Variants in UTRN observed in about 807,000 individuals in gnomAD.
UTRN encodes the protein utrophin, also known as dystrophin-related protein 1.
UTRN carries 283 observed loss-of-function variants against 463.9 expected under a neutral mutation model. The ratio of observed to expected loss-of-function variants is 0.61; its 90% CI spans 0.55 to 0.67. The LOEUF (loss-of-function observed/expected upper bound fraction) is 0.67. Ranked by LOEUF, UTRN falls within the 30% of genes least tolerant of loss-of-function variation. The pLI is 0.00. For synonymous variants in UTRN, 1,442 were observed against 1,431.5 expected, an observed-to-expected ratio of 1.01 and a Z score of -0.17; for missense variants, 3,922 against 4,084.3, an observed-to-expected ratio of 0.96 and a Z score of 1.08.
At position 144,391,852 on chromosome 6, in the gene UTRN, T is replaced by G. The variant is rs147019900; in HGVS notation, c.80-11271T>G. ...AATACAGGGTTTCACCTGTTAGCCA[T>G]GATGGTCTCGATCTCCTGACCTCGT... On this transcript the variant is annotated intron_variant, in intron 2 of 74. Transcript: ENST00000367545. 4.5e-4 allele frequency among the ~76,000 whole-genome samples: 69 copies of G among 152,296 alleles called. 1 individual carries two copies. The East Asian group carries it at 7.4e-3, about 16-fold the overall frequency.
intron 51 of UTRN, among the ~76,000 whole-genome samples, chr6:144,624,301 T>G (rs927436809): frequency 6.6e-6 from 1 of 152,148 alleles, no homozygotes; most frequent in Non-Finnish European, 1.5e-5. Context: ...AGGGAGGGCA[T>G]TACTGTGCTT....
intron 3 of UTRN, among the ~76,000 whole-genome samples, chr6:144,416,277 T>C (rs1324023864): frequency 6.6e-6 from 1 of 152,118 alleles, no homozygotes; most frequent in Non-Finnish European, 1.5e-5. Context: ...TACCAGGAGG[T>C]TATACATATA....
At chr6:144,841,620 T>C (rs1368708861) in intron 73 of UTRN, among the ~76,000 whole-genome samples, 6 of 152,076 alleles carry the variant, frequency 3.9e-5, no homozygotes, top group African/African-American at 1.4e-4. Flanking sequence ...CACACACACA[T>C]ACAAATATAT....
intron 54 of UTRN, among the ~76,000 whole-genome samples, chr6:144,731,160 C>G (rs1269787918): frequency 3.3e-5 from 5 of 151,006 alleles, no homozygotes; most frequent in African/African-American, 1.2e-4. Flanking sequence ...AATGAGAGAC[C>G]AAATACTTTT....
chr6:144,697,084 G>A (rs1586074573), intron 52 of UTRN, among the ~76,000 whole-genome samples: 1 of 152,024 alleles, frequency 6.6e-6, no homozygotes, highest in African/African-American at 2.4e-5. Context: ...TACTTATAGA[G>A]TTGTAAAAAA....
rs1803641950 is a variant in UTRN at position 144,286,205 on chromosome 6, T to C, written c.-93+384T>C. 6.6e-6 allele frequency among the ~76,000 whole-genome samples: 1 copy of C among 152,182 alleles called. No individual in the cohort carries two copies. The highest frequency in any genetic ancestry group is 1.9e-4 in the East Asian group (1 of 5,170). ...CCGTGCATCGCGCGGTGCAGGGCGCTGGGCCAGTGATTTGCAAGAGGGGAC... is the reference window on the plus strand; with the variant it reads ...CCGTGCATCGCGCGGTGCAGGGCGCCGGGCCAGTGATTTGCAAGAGGGGAC... On this transcript the variant is annotated intron_variant, in intron 1 of 74. Coordinates refer to ENST00000367545, the MANE Select transcript of UTRN (RefSeq NM_007124.3). This position sits in a 1 kb window ranked among gnomAD's most constrained non-coding sequence, Gnocchi z 4.4.
chr6:144,598,848 A>G (rs1005591866), intron 51 of UTRN, among the ~76,000 whole-genome samples: 1 of 152,150 alleles, frequency 6.6e-6, no homozygotes, highest in Non-Finnish European at 1.5e-5. Flanking sequence ...TTTCAGGTTT[A>G]CTTTAGAATG....
intron 51 of UTRN, among the ~76,000 whole-genome samples, chr6:144,611,498 T>A (rs1368912554): frequency 6.6e-6 from 1 of 152,192 alleles, no homozygotes; most frequent in Non-Finnish European, 1.5e-5. Context: ...CTTCTAGGAC[T>A]GATTAATAAA....
Position 144,430,641 on chromosome 6 carries a change from G to C in UTRN, c.855+900G>C, listed in dbSNP as rs139512242. On this transcript the variant is annotated intron_variant, in intron 9 of 74. Transcript: ENST00000367545. ...TGGTTAAAACCACCAACTTCATAAAGATAATGAATTCAAAGTATCTAAAAT... is the reference window on the plus strand; with the variant it reads ...TGGTTAAAACCACCAACTTCATAAACATAATGAATTCAAAGTATCTAAAAT... Among the ~76,000 whole-genome samples, 379 of 152,242 alleles carry C rather than the reference G, an allele frequency of 2.5e-3. 2 individuals carry two copies. The highest frequency in any genetic ancestry group is 8.5e-3 in the African/African-American group (352 of 41,558).
intron 34 of UTRN, among the ~76,000 whole-genome samples, chr6:144,510,437 A>G (rs1429374979): frequency 1.3e-5 from 2 of 152,182 alleles, no homozygotes; most frequent in East Asian, 1.9e-4. Flanking sequence ...TTTATTCAGT[A>G]TATTATATGT....
chr6:144,666,825 G>T (rs1057315908), intron 51 of UTRN, among the ~76,000 whole-genome samples: 4 of 152,146 alleles, frequency 2.6e-5, no homozygotes, highest in Non-Finnish European at 5.9e-5. Flanking sequence ...TATCATCCTT[G>T]GTTGGGCCAG....
chr6:144,751,671 C>A, intron 55 of UTRN, 135 bp from the exon 56 acceptor site: 1 of 760,340 alleles, frequency 1.3e-6, no homozygotes, highest in Non-Finnish European at 1.9e-6. Flanking sequence ...CATAAATGGA[C>A]CCAGGAAGTT....
rs1449688452 is a variant in UTRN, at chr6:144,791,248, G to A, written c.8920+1969G>A. ...GCAGGGCCGCCATTCAAGATCATTG[G>A]TATCTGTCTGAACATTGATTTTATT... is the stretch of plus-strand genomic sequence containing the variant. On this transcript the variant is annotated intron_variant, in intron 62 of 74. Coordinates refer to ENST00000367545, the MANE Select transcript of UTRN (RefSeq NM_007124.3). Among the ~76,000 whole-genome samples, 6 of 152,128 alleles carry A rather than the reference G, an allele frequency of 3.9e-5. No homozygotes were observed. In the East Asian group the frequency reaches 9.7e-4, roughly 25 times the overall value.
rs756772019 is a variant in UTRN at position 144,485,480 on chromosome 6, C to T, written c.3783C>T (p.Val1261=). The T allele has an allele frequency of 6.2e-7, 1 of 1,614,126 alleles. No homozygotes were observed. The highest frequency in any genetic ancestry group is 1.7e-5 in the Admixed American group (1 of 60,024). Residue 1261 remains valine (V), a synonymous_variant, in exon 28 of 75, where the codon GTC becomes GTT. Transcript: ENST00000367545. ...TLEERMKSTE[V]LPEKTDAVNE... ...AAGAGCGGATGAAGAGCACAGAGGTCCTGCCTGAGAAGACGGATGCTGTCA... is the reference window on the plus strand; with the variant it reads ...AAGAGCGGATGAAGAGCACAGAGGTTCTGCCTGAGAAGACGGATGCTGTCA...
rs1787852892 is a variant in UTRN at position 144,447,890 on chromosome 6, C to T, written c.1902+109C>T. On this transcript the variant is annotated intron_variant, in intron 16 of 74. Coordinates refer to ENST00000367545, the MANE Select transcript of UTRN (RefSeq NM_007124.3). ...AATAAACTAAAAAGTTGTTTCCTTA[C>T]ACCTGATGAAAAATTGACATGTGAA... 5.5e-6 allele frequency: 6 copies of T among 1,097,040 alleles called. No homozygotes were observed. In the Admixed American group the frequency reaches 1.2e-4, roughly 22 times the overall value. The allele number at this position is 1,097,040 out of a possible 1,614,324, so 68.0% of individuals were successfully genotyped here. A position where few individuals can be genotyped will look rare whatever the true frequency, so the allele number is the denominator to read the frequency against.
chr6:144,330,710 C>A, intron 2 of UTRN: 2 of 582,300 alleles, frequency 3.4e-6, no homozygotes, highest in Non-Finnish European at 4.3e-6. Flanking sequence ...AGGCTCCACA[C>A]CTGGCAGAGG....
At chr6:144,618,769 T>C (rs1047178482) in intron 51 of UTRN, among the ~76,000 whole-genome samples, 4 of 152,118 alleles carry the variant, frequency 2.6e-5, no homozygotes, top group Non-Finnish European at 5.9e-5. Flanking sequence ...ATACTCTATA[T>C]TATATGCTAT....
chr6:144,307,026 C>T (rs1270193538), intron 2 of UTRN, among the ~76,000 whole-genome samples: 1 of 151,172 alleles, frequency 6.6e-6, no homozygotes, highest in African/African-American at 2.4e-5. Flanking sequence ...TATCACATCA[C>T]TGCACTCCAG....
At chr6:144,392,859 C>T (rs955664343) in intron 2 of UTRN, among the ~76,000 whole-genome samples, 2 of 152,172 alleles carry the variant, frequency 1.3e-5, no homozygotes, top group African/African-American at 4.8e-5. Context: ...TCTCACTCTC[C>T]TCAAATTTTA....
Sources: allele counts gnomAD v4.1 joint callset (sites outside exome capture counted in the v4.1 genomes callset), GRCh38; gene constraint gnomAD v4.1.1; non-coding constraint Gnocchi (gnomAD v3.1); transcripts MANE v1.5; gene names NCBI Gene and HGNC (gene_info 2026-07-23, HGNC 2026-07-21).